TTC28: variants seen among roughly 807,000 people sequenced by gnomAD.
The protein encoded by TTC28 is tetratricopeptide repeat protein 28.
TTC28 carries 61 observed loss-of-function variants against 198.0 expected under a neutral mutation model. The observed-to-expected ratio is 0.31, with a 90% confidence interval of 0.25 to 0.38. The LOEUF (loss-of-function observed/expected upper bound fraction) is 0.38, where lower values mean the gene tolerates loss of function less well. TTC28 is among the 10% of genes least tolerant of loss of function. The pLI, the probability that TTC28 is intolerant of heterozygous loss-of-function variation, is 1.00. For synonymous variants in TTC28, 1,171 were observed against 1,297.8 expected (o/e 0.90, Z 2.10); for missense variants, 2,678 against 3,164.0 (o/e 0.85, Z 3.69).
At chr22:28,386,555 AC>A (rs1427021123) in intron 2 of TTC28, among the ~76,000 whole-genome samples, 10 of 152,244 alleles carry the variant, frequency 6.6e-5, no homozygotes, top group Non-Finnish European at 1.2e-4. Context: ...AAAGATTCAT[AC>A]CTAAAATATT....
chr22:28,279,544 G>A (rs978106912), intron 5 of TTC28, among the ~76,000 whole-genome samples: 3 of 152,110 alleles, frequency 2.0e-5, no homozygotes, highest in African/African-American at 7.2e-5. Flanking sequence ...CTAAGTTTTT[G>A]TATTTTTAGT....
chr22:28,000,681 G>C (rs567729952), intron 15 of TTC28: 1 of 152,522 alleles, frequency 6.6e-6, no homozygotes, highest in East Asian at 1.9e-4. Context: ...TGGGGTCTCT[G>C]AGAGTTTGGA....
intron 2 of TTC28, among the ~76,000 whole-genome samples, chr22:28,379,377 A>G (rs1013797150): frequency 6.6e-6 from 1 of 152,206 alleles, no homozygotes; most frequent in Non-Finnish European, 1.5e-5. Flanking sequence ...GAGGCAACCC[A>G]AGTTTCTATT....
intron 2 of TTC28, among the ~76,000 whole-genome samples, chr22:28,600,238 A>G (rs2050616698): frequency 6.6e-6 from 1 of 151,458 alleles, no homozygotes; most frequent in South Asian, 2.1e-4. Flanking sequence ...CTACAAAAAG[A>G]TTGAAAACAA....
At chr22:28,268,115 G>T (rs921850760) in intron 5 of TTC28, among the ~76,000 whole-genome samples, 2 of 152,162 alleles carry the variant, frequency 1.3e-5, no homozygotes, top group African/African-American at 4.8e-5. Flanking sequence ...TAATGGTCTG[G>T]TCCCTGCAGC....
intron 2 of TTC28, among the ~76,000 whole-genome samples, chr22:28,421,305 A>T (rs2047249547): frequency 1.3e-5 from 2 of 152,224 alleles, no homozygotes; most frequent in South Asian, 4.1e-4. Context: ...ATAAAACCAC[A>T]ACGCTGGAAA....
At chr22:28,365,526 A>G (rs1053475517) in intron 2 of TTC28, among the ~76,000 whole-genome samples, 7 of 152,232 alleles carry the variant, frequency 4.6e-5, no homozygotes, top group African/African-American at 1.7e-4. Flanking sequence ...ACCACATGCA[A>G]GCATAAGCCA....
At chr22:28,009,762 T>TCC (rs1408188380) in intron 14 of TTC28, among the ~76,000 whole-genome samples, 1 of 152,220 alleles carries the variant, frequency 6.6e-6, no homozygotes, top group Non-Finnish European at 1.5e-5. Context: ...TCACCTGTCT[T>TCC]CCCCAGGTTT....
At chr22:28,194,381 G>C (rs1182481881) in intron 5 of TTC28, among the ~76,000 whole-genome samples, 1 of 152,142 alleles carries the variant, frequency 6.6e-6, no homozygotes, top group Non-Finnish European at 1.5e-5. Flanking sequence ...AACTGGAGAA[G>C]CAAGAGCAAA....
At chr22:28,228,266 T>C (rs569749292) in intron 5 of TTC28, among the ~76,000 whole-genome samples, 10 of 152,176 alleles carry the variant, frequency 6.6e-5, no homozygotes, top group African/African-American at 2.4e-4. Context: ...GTTGGGAAAA[T>C]GAAATTGTTC....
intron 2 of TTC28, among the ~76,000 whole-genome samples, chr22:28,448,240 C>T (rs988182044): frequency 6.6e-6 from 1 of 152,112 alleles, no homozygotes; most frequent in African/African-American, 2.4e-5. Context: ...TACTGAAGAA[C>T]AGTCAATTAA....
chr22:28,595,316 G>A (rs747322578), intron 2 of TTC28, among the ~76,000 whole-genome samples: 32 of 152,086 alleles, frequency 2.1e-4, no homozygotes, highest in Non-Finnish European at 3.8e-4. Flanking sequence ...GTCAAGAATT[G>A]GTCAGTAACT....
In TTC28 at chr22:28,636,127, ATTTTTTTTTTTT is replaced by A. The variant is rs71316851; in HGVS notation, c.103-6309_103-6298del. Among the ~76,000 whole-genome samples the A allele has an allele frequency of 1.9e-3, 126 of 65,736 alleles. 2 individuals are homozygous for A. In the East Asian group the frequency reaches 0.055, roughly 29 times the overall value. The allele number at this position is 65,736 out of a possible 152,430, so 43.1% of individuals were successfully genotyped here. On this transcript the variant is annotated intron_variant, in intron 1 of 22. Coordinates refer to ENST00000397906, the MANE Select transcript of TTC28 (RefSeq NM_001145418.2). Reference sequence around the variant, plus strand: ...CATCCATATTGTTGCAAATGTCAGGATTTTTTTTTTTTTTTTTTTTTTTTTTTGAGCTCTGTT... The same window carrying A: ...CATCCATATTGTTGCAAATGTCAGGATTTTTTTTTTTTTTTGAGCTCTGTT...
intron 2 of TTC28, among the ~76,000 whole-genome samples, chr22:28,318,823 T>G (rs900564099): frequency 2.9e-5 from 4 of 138,560 alleles, no homozygotes; most frequent in African/African-American, 1.1e-4. Context: ...TTTTTTTTTT[T>G]TTTTTTTTTT....
intron 12 of TTC28, among the ~76,000 whole-genome samples, chr22:28,073,040 C>T (rs1365324235): frequency 6.6e-6 from 1 of 152,146 alleles, no homozygotes; most frequent in African/African-American, 2.4e-5. Context: ...CATAAGAGCC[C>T]AGCCTGGCAT....
intron 2 of TTC28, among the ~76,000 whole-genome samples, chr22:28,627,751 A>G (rs1165588625): frequency 6.6e-6 from 1 of 151,888 alleles, no homozygotes; most frequent in Non-Finnish European, 1.5e-5. Context: ...ATTTTTCTCA[A>G]CAATTTTTGT....
intron 5 of TTC28, among the ~76,000 whole-genome samples, chr22:28,292,153 T>C (rs2044800322): frequency 6.6e-6 from 1 of 152,154 alleles, no homozygotes; most frequent in African/African-American, 2.4e-5. Flanking sequence ...GTTATTTTCA[T>C]GTAATTGTTA....
intron 2 of TTC28, among the ~76,000 whole-genome samples, chr22:28,312,358 A>G (rs2045277541): frequency 6.6e-6 from 1 of 152,058 alleles, no homozygotes; most frequent in Non-Finnish European, 1.5e-5. Context: ...GGACCAAGCG[A>G]ACCTAATAGA....
intron 5 of TTC28, among the ~76,000 whole-genome samples, chr22:28,250,223 C>T (rs539906967): frequency 1.3e-5 from 2 of 152,178 alleles, no homozygotes; most frequent in Non-Finnish European, 1.5e-5. Context: ...TGATTACTCA[C>T]GCTGACCACT....
Sources: gnomAD v4.1 joint callset for allele counts (sites outside exome capture counted in the v4.1 genomes callset) on GRCh38, gnomAD v4.1.1 for gene constraint, MANE v1.5 for transcripts, NCBI Gene and HGNC (gene_info 2026-07-23, HGNC 2026-07-21) for gene names.